PRPF6: variants seen among roughly 807,000 people sequenced by gnomAD.
The protein encoded by PRPF6 is pre-mRNA-processing factor 6.
A neutral mutation model predicts 118.3 loss-of-function variants in PRPF6; 42 were observed. The observed-to-expected ratio is 0.35, with a 90% confidence interval of 0.28 to 0.46. The LOEUF is 0.46. PRPF6 is among the 20% of genes least tolerant of loss of function. The probability of loss-of-function intolerance (pLI) is 1.00; values close to 1 mark genes in which losing one functional copy is unlikely to be tolerated. For synonymous variants in PRPF6, 481 were observed against 485.1 expected (o/e 0.99, Z 0.11); for missense variants, 662 against 1,255.7 (o/e 0.53, Z 7.15).
chr20:64,022,201 A>G (rs1449054321), intron 12 of PRPF6, among the ~76,000 whole-genome samples: 1 of 152,206 alleles, frequency 6.6e-6, no homozygotes. Context: ...TTTCATGTAC[A>G]CTGGAGTAAG....
rs1326455747 is a variant in PRPF6 at position 64,027,918 on chromosome 20, C to A, written c.2339+182C>A. On this transcript the variant is annotated intron_variant, in intron 17 of 20. Transcript: ENST00000266079. The surrounding 1 kb of genome is among the most constrained non-coding windows in gnomAD (Gnocchi z 6.5). ...GCCTTAGGAGAGTTCGGCCTAGGTA[C>A]TGTGACAGGCCTGTAGATGGTTTGA... is the stretch of plus-strand genomic sequence containing the variant. Among the ~76,000 whole-genome samples, 1 of 152,128 alleles carries A rather than the reference C, an allele frequency of 6.6e-6. No homozygotes were observed. Among genetic ancestry groups the A allele is most frequent in the Non-Finnish European group, 1.5e-5 (1 of 68,020 alleles).
chr20:64,020,102 A>G (rs1232477533), intron 12 of PRPF6, among the ~76,000 whole-genome samples: 2 of 152,136 alleles, frequency 1.3e-5, no homozygotes, highest in Non-Finnish European at 2.9e-5. Flanking sequence ...TTCAGCAACA[A>G]ACTCCTTCTT....
intron 12 of PRPF6, among the ~76,000 whole-genome samples, chr20:64,021,585 C>T (rs2059264367): frequency 7.4e-6 from 1 of 134,874 alleles, no homozygotes; most frequent in South Asian, 2.5e-4. Flanking sequence ...TGCACATATG[C>T]ATATGCCTCA....
rs765149519 is a variant in PRPF6 at position 64,031,949 on chromosome 20, G to A, written c.2578G>A (p.Ala860Thr). ...TTGGAGTCAGCGGAAGATCACCAAG[G>A]CCAGGGAGTGGTTCCACCGCACTGT... ...LFWSQRKITK[A>T]REWFHRTVKI... Residue 860 changes from alanine to threonine, a missense_variant, in exon 20 of 21, where the codon GCC becomes ACC. Transcript: ENST00000266079. The A allele has an allele frequency of 1.2e-6, 2 of 1,614,170 alleles. No individual in the cohort carries two copies. The highest frequency in any genetic ancestry group is 1.7e-6 in the Non-Finnish European group (2 of 1,180,036).
At chr20:63,999,504 G>C in intron 7 of PRPF6, 99 bp from the exon 8 acceptor site, 1 of 1,487,344 alleles carries the variant, frequency 6.7e-7, no homozygotes, top group Non-Finnish European at 9.3e-7. Context: ...AGGACTGATA[G>C]TTCTTACATT....
At chr20:64,025,291 C>G (rs2059283972) in intron 14 of PRPF6, among the ~76,000 whole-genome samples, 2 of 152,170 alleles carry the variant, frequency 1.3e-5, no homozygotes, top group African/African-American at 4.8e-5. Flanking sequence ...AGCGTCCCCT[C>G]CACCTGCCCG....
chr20:63,983,118 A>G lies in PRPF6; in HGVS notation c.143A>G (p.His48Arg), dbSNP rs1363266999. ...RDANDPVDDR[H>R]APPGKRTVGD... ...GCAAATGACCCTGTGGATGATCGCC[A>G]TGCACCCCCAGGCAAGAGAACCGTT... The change falls in exon 2 of 21, where the codon CAT (histidine) becomes CGT (arginine). Residue 48 changes from histidine (H) to arginine (R), a missense_variant. Around this residue, in one of 10 missense-constraint regions of PRPF6, gnomAD observed 21 missense variants for 45.5 expected, o/e 0.46. Transcript: ENST00000266079. The G allele has an allele frequency of 6.2e-7, 1 of 1,614,090 alleles. No homozygotes were observed. The highest frequency in any genetic ancestry group is 1.3e-5 in the African/African-American group (1 of 74,926).
intron 13 of PRPF6, among the ~76,000 whole-genome samples, chr20:64,024,156 G>A (rs1024145532): frequency 6.6e-5 from 10 of 152,138 alleles, no homozygotes; most frequent in African/African-American, 9.7e-5. Flanking sequence ...TTTGGATGCC[G>A]GGAGAGTGAA....
In PRPF6 at chr20:64,032,150, C is replaced by G. The variant is rs2059317791; in HGVS notation, c.2673+106C>G. 2.6e-6 allele frequency: 4 copies of G among 1,559,876 alleles called. No individual in the cohort carries two copies. In the African/African-American group the frequency reaches 4.1e-5, roughly 16 times the overall value. ...GGTGGCCACGGCCAGCGTGACTCTGCCCGGGGTCGGGAGGATGGACCGGGT... is the reference window on the plus strand; with the variant it reads ...GGTGGCCACGGCCAGCGTGACTCTGGCCGGGGTCGGGAGGATGGACCGGGT... On this transcript the variant is annotated intron_variant, in intron 20 of 20. Transcript: ENST00000266079.
intron 9 of PRPF6, among the ~76,000 whole-genome samples, chr20:64,009,896 C>G (rs1425462994): frequency 1.3e-5 from 2 of 152,180 alleles, no homozygotes; most frequent in African/African-American, 2.4e-5. Flanking sequence ...TGTTTTGGGA[C>G]TGGTTTCTTT....
At chr20:63,998,676 C>T (rs888326855) in intron 6 of PRPF6, among the ~76,000 whole-genome samples, 8 of 151,132 alleles carry the variant, frequency 5.3e-5, no homozygotes, top group Non-Finnish European at 1.0e-4. Flanking sequence ...CCCGTCTCTA[C>T]TAAAAATACA....
At chr20:64,022,703 C>T in intron 12 of PRPF6, 54 bp from the exon 13 acceptor site, 3 of 1,612,982 alleles carry the variant, frequency 1.9e-6, no homozygotes, top group South Asian at 1.1e-5. Flanking sequence ...CATCATGCCA[C>T]TTGTTCTGTG....
At position 64,011,278 on chromosome 20, in the gene PRPF6, C is replaced by T. The variant is rs373810213; in HGVS notation, c.1306-7C>T. On this transcript the variant is annotated splice_polypyrimidine_tract_variant and splice_region_variant and intron_variant, in intron 10 of 20. Coordinates refer to ENST00000266079, the MANE Select transcript of PRPF6 (RefSeq NM_012469.4). The surrounding 1 kb of genome is among the most constrained non-coding windows in gnomAD (Gnocchi z 6.7). ...CCTCTCCTTTTTCTCGTGTCCTCTC[C>T]GCGTAGCTCTGGCTTGCTCTGGCAA... 1.4e-4 allele frequency: 225 copies of T among 1,613,854 alleles called. 1 individual carries two copies. The Admixed American group carries it at 2.1e-3, about 15-fold the overall frequency.
At chr20:64,015,218 C>T (rs1429920049) in intron 11 of PRPF6, among the ~76,000 whole-genome samples, 3 of 152,212 alleles carry the variant, frequency 2.0e-5, no homozygotes. Context: ...AGTTTGCATT[C>T]AGTAGAAACT....
chr20:64,009,279 C>CAAAAAA (rs59045216), intron 9 of PRPF6, among the ~76,000 whole-genome samples: 17 of 38,224 alleles, frequency 4.4e-4, no homozygotes, highest in Non-Finnish European at 4.9e-4. Flanking sequence ...GACTCCATCG[C>CAAAAAA]AAAAAAAAAA....
rs918425489 is a variant in PRPF6 at position 64,022,968 on chromosome 20, C to T, written c.1769+90C>T. On this transcript the variant is annotated intron_variant, in intron 13 of 20. Transcript: ENST00000266079. ...TGAATTTAAACCTCTCATGTCTGCT[C>T]ATCCAGTCTTGTGCCCATTTGAGGT... is the stretch of plus-strand genomic sequence containing the variant. The T allele has an allele frequency of 1.2e-5, 19 of 1,592,410 alleles. No individual in the cohort carries two copies. In the Admixed American group the frequency reaches 2.4e-4, roughly 20 times the overall value.
At chr20:64,004,059 T>C (rs898712138) in intron 9 of PRPF6, among the ~76,000 whole-genome samples, 1 of 152,238 alleles carries the variant, frequency 6.6e-6, no homozygotes, top group African/African-American at 2.4e-5. Context: ...AAAAGCTCTA[T>C]TGAATTCTTC....
intron 11 of PRPF6, among the ~76,000 whole-genome samples, chr20:64,015,846 G>T: frequency 6.6e-6 from 1 of 152,076 alleles, no homozygotes; most frequent in South Asian, 2.1e-4. Context: ...TAAGAATAGG[G>T]GCTGGGTGTG....
At chr20:64,012,841 C>T (rs1189841539) in intron 11 of PRPF6, among the ~76,000 whole-genome samples, 7 of 144,566 alleles carry the variant, frequency 4.8e-5, no homozygotes, top group African/African-American at 1.6e-4. Context: ...GATACACCTA[C>T]GAGAGGAGGA....
Sources: gnomAD v4.1 joint callset for allele counts (sites outside exome capture counted in the v4.1 genomes callset) on GRCh38, gnomAD v4.1.1 for gene constraint, gnomAD v4.1.1 regional missense constraint, Gnocchi (gnomAD v3.1) non-coding constraint, MANE v1.5 for transcripts, NCBI Gene and HGNC (gene_info 2026-07-23, HGNC 2026-07-21) for gene names.